The following RASEF variants were observed in gnomAD, a reference collection of about 807,000 sequenced individuals.
The protein encoded by RASEF is ras and EF-hand domain-containing protein.
In RASEF, 68 loss-of-function variants were observed where a neutral mutation model predicts 90.1. That is an observed-to-expected ratio of 0.75 (90% confidence interval 0.62 to 0.92). The LOEUF (loss-of-function observed/expected upper bound fraction) is 0.92, where lower values mean the gene tolerates loss of function less well. RASEF is among the 40% of genes least tolerant of loss of function. The pLI is 0.00. For missense variants in RASEF, 949 were observed against 937.2 expected, an observed-to-expected ratio of 1.01 and a Z score of -0.16; for synonymous variants, 331 against 345.2, an observed-to-expected ratio of 0.96 and a Z score of 0.46.
the RASEF span, among the ~76,000 whole-genome samples, chr9:83,183,126 A>G: frequency 1.3e-5 from 2 of 152,196 alleles, no homozygotes; most frequent in Admixed American, 6.5e-5. Context: ...AGCTAATCAA[A>G]TTATATTCTA....
At chr9:83,155,030 G>C in the RASEF span, among the ~76,000 whole-genome samples, 65 of 152,288 alleles carry the variant, frequency 4.3e-4, no homozygotes, top group African/African-American at 1.4e-3. Context: ...ACCTCTTGTG[G>C]GTTAGTAAGA....
At chr9:83,004,971 C>T (rs1008467864) in intron 8 of RASEF, among the ~76,000 whole-genome samples, 1 of 152,176 alleles carries the variant, frequency 6.6e-6, no homozygotes. Flanking sequence ...GAATCTTACA[C>T]ATGAAGCTGA....
chr9:83,097,892 G>A, the RASEF span, among the ~76,000 whole-genome samples: 1 of 152,286 alleles, frequency 6.6e-6, no homozygotes, highest in African/African-American at 2.4e-5. Context: ...AAGTGCCTAA[G>A]TATGCCAGAT....
intron 4 of RASEF, among the ~76,000 whole-genome samples, chr9:83,014,669 T>A (rs1042224554): frequency 6.6e-6 from 1 of 152,082 alleles, no homozygotes; most frequent in South Asian, 2.1e-4. Context: ...CACATCCCCA[T>A]TAGTTATGGG....
At chr9:83,101,859 T>C in the RASEF span, among the ~76,000 whole-genome samples, 2 of 152,264 alleles carry the variant, frequency 1.3e-5, no homozygotes, top group East Asian at 1.9e-4. Flanking sequence ...ATTCAACATA[T>C]CTTGTTGATT....
At chr9:83,127,993 A>G in the RASEF span, among the ~76,000 whole-genome samples, 1 of 151,056 alleles carries the variant, frequency 6.6e-6, no homozygotes, top group Non-Finnish European at 1.5e-5. Context: ...ACCTGCTACT[A>G]TAAAGGGCTT....
the RASEF span, among the ~76,000 whole-genome samples, chr9:83,118,401 C>T: frequency 6.6e-6 from 1 of 152,128 alleles, no homozygotes; most frequent in Non-Finnish European, 1.5e-5. Flanking sequence ...GGTAAATAAT[C>T]CAGTTTAATT....
the RASEF span, among the ~76,000 whole-genome samples, chr9:83,176,230 C>A: frequency 6.6e-6 from 1 of 152,160 alleles, no homozygotes; most frequent in African/African-American, 2.4e-5. Flanking sequence ...CATAGATTGG[C>A]CCATTTATCA....
At chr9:83,046,145 T>G (rs542315680) in intron 1 of RASEF, among the ~76,000 whole-genome samples, 3 of 152,170 alleles carry the variant, frequency 2.0e-5, no homozygotes, top group Non-Finnish European at 4.4e-5. Flanking sequence ...ATAGGTAAAC[T>G]CGTGTCATGA....
chr9:83,015,509 G>A (rs891242312), intron 4 of RASEF, among the ~76,000 whole-genome samples: 2 of 152,024 alleles, frequency 1.3e-5, no homozygotes, highest in Admixed American at 1.3e-4. Context: ...GGTGAAACCC[G>A]CCTCTACTAA....
At chr9:83,071,948 C>G in the RASEF span, among the ~76,000 whole-genome samples, 20 of 152,302 alleles carry the variant, frequency 1.3e-4, no homozygotes, top group Admixed American at 9.8e-4. Flanking sequence ...ATTGGTGTGG[C>G]ACCTTCTATT....
the RASEF span, among the ~76,000 whole-genome samples, chr9:83,093,659 C>T: frequency 2.6e-4 from 40 of 152,312 alleles, no homozygotes; most frequent in African/African-American, 9.4e-4. Flanking sequence ...AAGGGCCGCA[C>T]GCAGCCCCGG....
At chr9:83,156,301 C>T in the RASEF span, among the ~76,000 whole-genome samples, 3 of 152,286 alleles carry the variant, frequency 2.0e-5, no homozygotes, top group Admixed American at 2.0e-4. Context: ...GTGAAAGCTC[C>T]TAGCAGATAA....
chr9:83,135,113 G>C, the RASEF span, among the ~76,000 whole-genome samples: 1 of 152,048 alleles, frequency 6.6e-6, no homozygotes. Flanking sequence ...TAACTGCTAG[G>C]GGGTACAGGA....
At chr9:83,011,909 C>T (rs1829253667) in intron 5 of RASEF, among the ~76,000 whole-genome samples, 2 of 152,084 alleles carry the variant, frequency 1.3e-5, no homozygotes, top group African/African-American at 4.8e-5. Context: ...CTTAGCTCTG[C>T]AGTGAAAATA....
At chr9:83,041,286 A>G (rs1015879613) in intron 1 of RASEF, among the ~76,000 whole-genome samples, 5 of 152,230 alleles carry the variant, frequency 3.3e-5, no homozygotes, top group African/African-American at 1.2e-4. Context: ...TATATGTGAT[A>G]TTATTTGTTT....
intron 1 of RASEF, among the ~76,000 whole-genome samples, chr9:83,061,023 T>C (rs968061090): frequency 6.6e-6 from 1 of 152,226 alleles, no homozygotes; most frequent in Non-Finnish European, 1.5e-5. Context: ...CATGTATGCA[T>C]ACATCATATC....
chr9:83,092,003 C>CTTTTTTTTTTTTTTTTTTTTTTT, the RASEF span, among the ~76,000 whole-genome samples: 76 of 35,930 alleles, frequency 2.1e-3, 12 homozygotes, highest in East Asian at 4.1e-3. Context: ...TCTTTTATTT[C>CTTTTTTTTTTTTTTTTTTTTTTT]TTTTTTTTTT....
chr9:83,162,160 C>G, the RASEF span, among the ~76,000 whole-genome samples: 26,234 of 152,068 alleles, frequency 0.17, 2,437 homozygotes, highest in Non-Finnish European at 0.21. Flanking sequence ...TACTAGGTAT[C>G]TAGGCACTAG....
Sources: allele counts gnomAD v4.1 joint callset (sites outside exome capture counted in the v4.1 genomes callset), GRCh38; gene constraint gnomAD v4.1.1; transcripts MANE v1.5; gene names NCBI Gene and HGNC (gene_info 2026-07-23, HGNC 2026-07-21).